MTA3: variants seen among roughly 807,000 people sequenced by gnomAD.
The protein encoded by MTA3 is metastasis associated 1 family member 3, also known as metastasis-associated protein MTA3.
Under a neutral mutation model 83.5 loss-of-function variants are expected in MTA3, and 34 were observed. That is an observed-to-expected ratio of 0.41 (90% confidence interval 0.31 to 0.54). The LOEUF (loss-of-function observed/expected upper bound fraction) is 0.54. Among genes scored for constraint, MTA3 ranks in the 20% least tolerant of loss-of-function variants. The pLI, the probability that MTA3 is intolerant of heterozygous loss-of-function variation, is 0.33. For missense variants in MTA3, 761 were observed against 726.4 expected, an observed-to-expected ratio of 1.05 and a Z score of -0.55; for synonymous variants, 303 against 252.7, an observed-to-expected ratio of 1.20 and a Z score of -1.89.
At chr2:42,539,616 T>C (rs1489335957) in intron 2 of MTA3, among the ~76,000 whole-genome samples, 2 of 149,586 alleles carry the variant, frequency 1.3e-5, no homozygotes, top group African/African-American at 4.9e-5. Flanking sequence ...GGGTCTTGCT[T>C]TGTCTCCCGG....
In MTA3 at chr2:42,568,760, G is replaced by C; in HGVS notation, c.15G>C (p.Met5Ile). Residue 5 changes from methionine (M) to isoleucine (I), a missense_variant, in exon 1 of 17, where the codon ATG (methionine) becomes ATC (isoleucine). By Grantham distance (10) the Met-to-Ile change is conservative. Coordinates refer to ENST00000405094, the MANE Select transcript of MTA3 (RefSeq NM_001330442.2). The part of the protein sequence containing the change: MAAN[M>I]YRVGDYVYFE... ...GGCGGGCGGACATGGCGGCCAACAT[G>C]TACCGGGTCGGAGGTAGGCAGGCTC... 8.2e-7 allele frequency: 1 copy of C among 1,219,964 alleles called. No homozygotes were observed. The highest frequency in any genetic ancestry group is 1.0e-6 in the Non-Finnish European group (1 of 981,102). The allele number at this position is 1,219,964 out of a possible 1,614,324, so 75.6% of individuals were successfully genotyped here. A position where few individuals can be genotyped will look rare whatever the true frequency, so the allele number is the denominator to read the frequency against.
intron 4 of MTA3, among the ~76,000 whole-genome samples, chr2:42,623,665 A>G (rs1014887360): frequency 1.4e-5 from 2 of 147,386 alleles, no homozygotes; most frequent in Non-Finnish European, 3.0e-5. Flanking sequence ...GTATTTTACC[A>G]TGCCCCTTGA....
intron 16 of MTA3, among the ~76,000 whole-genome samples, chr2:42,727,018 C>G (rs1478346846): frequency 1.3e-5 from 2 of 152,094 alleles, no homozygotes; most frequent in African/African-American, 4.8e-5. Context: ...ACAGTGAGAC[C>G]CCAACTCTAA....
chr2:42,507,359 A>G (rs1409640751), intron 2 of MTA3, among the ~76,000 whole-genome samples: 1 of 151,608 alleles, frequency 6.6e-6, no homozygotes, highest in East Asian at 2.0e-4. Context: ...TTATATAGAG[A>G]TGGGGGTCTC....
chr2:42,568,855 G>T (rs1678120394), intron 1 of MTA3, 82 bp downstream of exon 1: 2 of 1,188,844 alleles, frequency 1.7e-6, no homozygotes, highest in South Asian at 8.4e-5. Flanking sequence ...GCCAACTGCC[G>T]GGAGCCAAGG....
At chr2:42,688,177 C>T (rs980968413) in intron 9 of MTA3, among the ~76,000 whole-genome samples, 14 of 152,150 alleles carry the variant, frequency 9.2e-5, no homozygotes, top group African/African-American at 2.7e-4. Flanking sequence ...CCCAGGTGAT[C>T]CTCCTGGCTT....
At chr2:42,549,686 A>G (rs995941787) in intron 2 of MTA3, among the ~76,000 whole-genome samples, 2 of 131,410 alleles carry the variant, frequency 1.5e-5, no homozygotes, top group African/African-American at 5.7e-5. Context: ...TATATAATAT[A>G]TTATATATAC....
chr2:42,708,848 GTGTT>G, intron 13 of MTA3, 22 bp from the exon 14 acceptor site: 1 of 1,612,760 alleles, frequency 6.2e-7, no homozygotes, highest in Non-Finnish European at 8.5e-7. Context: ...ACTTCCTTGA[GTGTT>G]TGTTGTTTTC....
chr2:42,672,723 T>C (rs1202941263), intron 8 of MTA3, among the ~76,000 whole-genome samples: 1 of 150,514 alleles, frequency 6.6e-6, no homozygotes, highest in South Asian at 2.1e-4. Context: ...AGGGTGTCTT[T>C]TAGGTTGATT....
At chr2:42,510,803 G>A (rs188064149) in intron 2 of MTA3, among the ~76,000 whole-genome samples, 220 of 152,262 alleles carry the variant, frequency 1.4e-3, no homozygotes, top group African/African-American at 5.2e-3. Context: ...CAGGCAGAGA[G>A]AGGGGGATGC....
chr2:42,524,481 T>TTTGTTTTTTTTTTTTTTTG (rs56981879), intron 2 of MTA3, among the ~76,000 whole-genome samples: 1 of 130,282 alleles, frequency 7.7e-6, no homozygotes, highest in East Asian at 2.2e-4. Flanking sequence ...TGTTTTTTTT[T>TTTGTTTTTTTTTTTTTTTG]TTTTTTTTTT....
Position 42,708,984 on chromosome 2 carries a change from T to A in MTA3, c.1413T>A (p.His471Gln), listed in dbSNP as rs372697825. 9 of 1,613,924 alleles carry A rather than the reference T, an allele frequency of 5.6e-6. No homozygotes were observed. In the African/African-American group the frequency reaches 8.0e-5, roughly 14 times the overall value. The change falls in exon 14 of 17, where the codon CAT becomes CAA. Residue 471 changes from histidine to glutamine, a missense_variant. Transcript: ENST00000405094. Reference protein sequence around the residue: ...AVKTRQAFFLHTTYFTKFARQ... With the variant: ...AVKTRQAFFLQTTYFTKFARQ... The stretch of plus-strand genomic sequence containing the variant: ...AGACCCGCCAAGCTTTCTTCCTTCA[T>A]ACTACATATTTCACAAAATTTGCTC...
chr2:42,740,129 T>G (rs567707070), intron 16 of MTA3, among the ~76,000 whole-genome samples: 2 of 152,384 alleles, frequency 1.3e-5, no homozygotes, highest in East Asian at 3.9e-4. Flanking sequence ...GGTTTTCAGT[T>G]GACTTTGCCC....
chr2:42,537,083 C>G (rs956976536), intron 2 of MTA3, among the ~76,000 whole-genome samples: 1 of 152,038 alleles, frequency 6.6e-6, no homozygotes, highest in Non-Finnish European at 1.5e-5. Flanking sequence ...AGTGTAAGCC[C>G]CAGGTTATGC....
intron 3 of MTA3, among the ~76,000 whole-genome samples, chr2:42,586,449 C>T (rs1192287159): frequency 3.2e-5 from 4 of 125,096 alleles, no homozygotes; most frequent in Non-Finnish European, 5.0e-5. Context: ...AAGGAAATTT[C>T]AAGAAACCGG....
chr2:42,507,781 A>G (rs1376703927), intron 2 of MTA3, among the ~76,000 whole-genome samples: 2 of 151,770 alleles, frequency 1.3e-5, no homozygotes, highest in East Asian at 1.9e-4. Context: ...ACGTTAAAAA[A>G]TTAGCCAAGC....
At chr2:42,726,586 A>G (rs998359948) in intron 16 of MTA3, among the ~76,000 whole-genome samples, 1 of 151,636 alleles carries the variant, frequency 6.6e-6, no homozygotes, top group Non-Finnish European at 1.5e-5. Flanking sequence ...ATTCCCACCT[A>G]TGAGTGAGAA....
At chr2:42,533,845 A>AT (rs1280110558) in intron 2 of MTA3, among the ~76,000 whole-genome samples, 2 of 151,718 alleles carry the variant, frequency 1.3e-5, no homozygotes, top group Non-Finnish European at 2.9e-5. Flanking sequence ...AAAAAAAAAA[A>AT]AAAAGGAAAA....
intron 2 of MTA3, among the ~76,000 whole-genome samples, chr2:42,511,261 G>A (rs1008389956): frequency 4.6e-5 from 7 of 151,714 alleles, no homozygotes; most frequent in Non-Finnish European, 8.8e-5. Flanking sequence ...TCTCCAAAGT[G>A]CAGGATTTAA....
Sources: allele counts gnomAD v4.1 joint callset (sites outside exome capture counted in the v4.1 genomes callset), GRCh38; gene constraint gnomAD v4.1.1; transcripts MANE v1.5; gene names NCBI Gene and HGNC (gene_info 2026-07-23, HGNC 2026-07-21).